SMIM35: variants seen among roughly 807,000 people sequenced by gnomAD.
The protein encoded by SMIM35 is TMPRSS4 antisense RNA 1 (non-protein coding).
chr11:118,017,585 G>C (rs778101629), intron 1 of SMIM35, among the ~76,000 whole-genome samples: 1 of 152,004 alleles, frequency 6.6e-6, no homozygotes, highest in Non-Finnish European at 1.5e-5. Context: ...TGAAGGGAGA[G>C]AGCAGTTTTA....
intron 1 of SMIM35, among the ~76,000 whole-genome samples, chr11:118,059,933 G>C (rs1477657470): frequency 6.6e-6 from 1 of 152,212 alleles, no homozygotes; most frequent in Non-Finnish European, 1.5e-5. Flanking sequence ...ACCAAAGCAA[G>C]CTAGGAACCT....
rs1439461225 is a variant in SMIM35, at chr11:118,004,603, C to T, written c.*1807G>A. The T allele has an allele frequency of 6.6e-6, 1 of 152,064 alleles. No individual in the cohort carries two copies. Among genetic ancestry groups the T allele is most frequent in the Non-Finnish European group, 1.5e-5 (1 of 68,018 alleles). 9.4% of individuals were successfully genotyped at this position (152,064 alleles called of 1,614,324 possible). ...TCTGTGAGGCTCAGGGTTAGGGATT[C>T]CCATGTGAGAGTGAATGAGCTCATA... On this transcript the variant is annotated 3_prime_UTR_variant, in exon 5 of 5. Coordinates refer to ENST00000689828, the MANE Select transcript of SMIM35 (RefSeq NM_001394165.1).
chr11:118,044,405 A>G (rs1944059421), intron 1 of SMIM35, among the ~76,000 whole-genome samples: 1 of 151,602 alleles, frequency 6.6e-6, no homozygotes, highest in Non-Finnish European at 1.5e-5. Flanking sequence ...TTACCAAGCC[A>G]TTTGGATGAA....
intron 1 of SMIM35, among the ~76,000 whole-genome samples, chr11:118,024,587 C>G (rs1565382941): frequency 6.6e-6 from 1 of 152,080 alleles, no homozygotes; most frequent in Non-Finnish European, 1.5e-5. Flanking sequence ...ATTCTTCTGT[C>G]TCAGCCTCCC....
intron 1 of SMIM35, among the ~76,000 whole-genome samples, chr11:118,054,535 G>C (rs530848889): frequency 1.1e-4 from 17 of 152,226 alleles, no homozygotes; most frequent in African/African-American, 4.1e-4. Flanking sequence ...CAACCACGGT[G>C]CCATGGATTT....
intron 1 of SMIM35, among the ~76,000 whole-genome samples, chr11:118,062,763 G>T (rs1389906177): frequency 6.6e-6 from 1 of 151,934 alleles, no homozygotes; most frequent in Non-Finnish European, 1.5e-5. Flanking sequence ...TCTTAATTCT[G>T]TCAGAGGCAT....
chr11:118,069,992 C>T (rs377636515), intron 1 of SMIM35, among the ~76,000 whole-genome samples: 1 of 151,954 alleles, frequency 6.6e-6, no homozygotes. Context: ...ACCAGGAAGG[C>T]GGAGGTTGCA....
In SMIM35 at chr11:118,023,159, T is replaced by C. The variant is rs2512142; in HGVS notation, c.8-7350A>G. On this transcript the variant is annotated intron_variant, in intron 1 of 4. Coordinates refer to ENST00000689828, the MANE Select transcript of SMIM35 (RefSeq NM_001394165.1). ...CAGAGAGGCAGAGCAAAATGACCCA[T>C]AATGAACAGAACAACCAACAGAGCA... Among the ~76,000 whole-genome samples, 168 of 151,972 alleles carry C rather than the reference T, an allele frequency of 1.1e-3. 1 individual carries two copies. Among genetic ancestry groups the C allele is most frequent in the African/African-American group, 3.8e-3 (158 of 41,466 alleles).
intron 1 of SMIM35, among the ~76,000 whole-genome samples, chr11:118,063,485 GC>G (rs1431215580): frequency 6.6e-6 from 1 of 152,100 alleles, no homozygotes; most frequent in African/African-American, 2.4e-5. Flanking sequence ...TTGGTCCTCA[GC>G]CCCATTTCCT....
intron 1 of SMIM35, among the ~76,000 whole-genome samples, chr11:118,037,377 G>A (rs1484499380): frequency 6.6e-6 from 1 of 152,148 alleles, no homozygotes; most frequent in African/African-American, 2.4e-5. Flanking sequence ...AAGATACAGG[G>A]TCCAAAGAGG....
intron 1 of SMIM35, among the ~76,000 whole-genome samples, chr11:118,070,847 G>A (rs1476235174): frequency 2.0e-5 from 3 of 152,150 alleles, no homozygotes; most frequent in African/African-American, 7.2e-5. Context: ...CCAGTGGGCT[G>A]CAGAAGCCAG....
rs529997392 is a variant in SMIM35, at chr11:118,056,714, TGGAGATGAC to T, written c.7+30028_7+30036del. On this transcript the variant is annotated intron_variant, in intron 1 of 4. Coordinates refer to ENST00000689828, the MANE Select transcript of SMIM35 (RefSeq NM_001394165.1). The stretch of plus-strand genomic sequence containing the variant: ...CCCTCGGGAACACCAACATACAAAG[TGGAGATGAC>T]GGAGAAGATCCAGACAGGGAAGGAC... Among the ~76,000 whole-genome samples, 10 of 151,842 alleles carry T rather than the reference TGGAGATGAC, an allele frequency of 6.6e-5. No homozygotes were observed. In the East Asian group the frequency reaches 1.9e-3, roughly 29 times the overall value.
chr11:118,035,121 T>G (rs938446846), intron 1 of SMIM35, among the ~76,000 whole-genome samples: 2 of 152,044 alleles, frequency 1.3e-5, no homozygotes, highest in Non-Finnish European at 2.9e-5. Flanking sequence ...CCAGCTAATT[T>G]TTGTATTTTT....
intron 1 of SMIM35, among the ~76,000 whole-genome samples, chr11:118,085,106 A>G (rs924699234): frequency 1.3e-4 from 20 of 152,162 alleles, no homozygotes; most frequent in Admixed American, 1.2e-3. Context: ...CTTTCTCCCC[A>G]TCATCTTGTG....
intron 1 of SMIM35, among the ~76,000 whole-genome samples, chr11:118,056,905 C>G (rs1015507620): frequency 1.3e-5 from 2 of 152,084 alleles, no homozygotes; most frequent in African/African-American, 4.8e-5. Context: ...GCCAGACCAC[C>G]GAGGGGTGTA....
rs192971978 is a variant in SMIM35 at position 118,067,148 on chromosome 11, C to A, written c.7+19603G>T. 4 of 152,242 alleles carry A rather than the reference C, an allele frequency of 2.6e-5. No individual in the cohort carries two copies. In the East Asian group the frequency reaches 5.8e-4, roughly 22 times the overall value. The allele number at this position is 152,242 out of a possible 1,614,324, so 9.4% of individuals were successfully genotyped here. On this transcript the variant is annotated intron_variant, in intron 1 of 4. Transcript: ENST00000689828. ...GTCACAATATGCTAACCCCCTCAGA[C>A]CCTCGCAGATGCGCACAACATGTGG...
chr11:118,045,461 C>A (rs977988832), intron 1 of SMIM35, among the ~76,000 whole-genome samples: 1 of 151,836 alleles, frequency 6.6e-6, no homozygotes, highest in Non-Finnish European at 1.5e-5. Context: ...TATGAAGAAC[C>A]AGGGGAGTGG....
At chr11:118,015,138 G>A (rs1014363786) in intron 2 of SMIM35, among the ~76,000 whole-genome samples, 1 of 152,214 alleles carries the variant, frequency 6.6e-6, no homozygotes, top group African/African-American at 2.4e-5. Flanking sequence ...AATATCCATG[G>A]ACTCTGTTAA....
intron 1 of SMIM35, among the ~76,000 whole-genome samples, chr11:118,027,219 G>T (rs2058282111): frequency 6.8e-6 from 1 of 146,632 alleles, no homozygotes; most frequent in Non-Finnish European, 1.5e-5. Context: ...AGTAGAGACG[G>T]GGTTTCACCT....
Sources: gnomAD v4.1 joint callset for allele counts (sites outside exome capture counted in the v4.1 genomes callset) on GRCh38, gnomAD v4.1.1 for gene constraint, MANE v1.5 for transcripts, NCBI Gene and HGNC (gene_info 2026-07-23, HGNC 2026-07-21) for gene names.